The following CNTN6 variants were observed in gnomAD, a reference collection of about 807,000 sequenced individuals.
CNTN6 encodes the protein contactin-6.
Under a neutral mutation model 122.8 loss-of-function variants are expected in CNTN6, and 137 were observed. The observed-to-expected ratio is 1.12, with a 90% confidence interval of 0.97 to 1.29. The LOEUF is 1.29. Among genes scored for constraint, CNTN6 ranks in the 50% most tolerant of loss-of-function variants. The probability of loss-of-function intolerance (pLI) is 0.00; values close to 1 mark genes in which losing one functional copy is unlikely to be tolerated. For synonymous variants in CNTN6, 570 were observed against 426.0 expected (o/e 1.34, Z -4.16); for missense variants, 1,634 against 1,223.4 (o/e 1.34, Z -5.01).
At chr3:1,288,707 G>A (rs1320023706) in intron 5 of CNTN6, among the ~76,000 whole-genome samples, 1 of 152,136 alleles carries the variant, frequency 6.6e-6, no homozygotes, top group East Asian at 1.9e-4. Context: ...TTTCACATGA[G>A]ATATTTTTCC....
intron 2 of CNTN6, among the ~76,000 whole-genome samples, chr3:1,149,129 A>G (rs2092784680): frequency 6.6e-6 from 1 of 152,198 alleles, no homozygotes; most frequent in Non-Finnish European, 1.5e-5. Flanking sequence ...AGAAATAATA[A>G]AGGCAATAAT....
chr3:1,096,270 A>T (rs115173011), intron 1 of CNTN6, among the ~76,000 whole-genome samples: 2,816 of 150,716 alleles, frequency 0.019, 91 homozygotes, highest in African/African-American at 0.065. Context: ...TGTGTGTGTG[A>T]GTGTGTGTAT....
chr3:1,297,942 C>T lies in CNTN6; in HGVS notation c.712C>T (p.Gln238Ter). The T allele has an allele frequency of 2.5e-6, 4 of 1,612,906 alleles. No homozygotes were observed. The highest frequency in any genetic ancestry group is 3.4e-6 in the Non-Finnish European group (4 of 1,179,626). Reference protein sequence around the residue: ...KIEVRFPETIQAAKDSSVKLE... With the variant: ...KIEVRFPETI Reference sequence around the variant, plus strand: ...TGAAGTGCGTTTTCCTGAAACTATACAAGCTGCAAAGGATTCATCTGTAAA... The same window carrying T: ...TGAAGTGCGTTTTCCTGAAACTATATAAGCTGCAAAGGATTCATCTGTAAA... Residue 238 changes from glutamine to a stop codon, truncating the protein, a stop_gained, in exon 7 of 23, where the codon CAA (glutamine) becomes TAA (stop). Transcript: ENST00000446702. LOFTEE classifies it high-confidence loss of function.
intron 11 of CNTN6, among the ~76,000 whole-genome samples, chr3:1,333,437 C>A (rs1246661226): frequency 6.6e-6 from 1 of 151,900 alleles, no homozygotes; most frequent in Non-Finnish European, 1.5e-5. Flanking sequence ...CCATCTCATA[C>A]CTCTGTTAAA....
intron 6 of CNTN6, 130 bp from the exon 7 acceptor site, chr3:1,297,759 T>C (rs1268299423): frequency 5.6e-6 from 4 of 713,016 alleles, no homozygotes; most frequent in Non-Finnish European, 9.6e-6. Flanking sequence ...AATCTATATG[T>C]ATCCAATTCT....
chr3:1,298,810 C>A lies in CNTN6; in HGVS notation c.761+819C>A, dbSNP rs570792369. ...TTCTAAAAAGCTCCCATATATTAGT[C>A]ATGCTTCTTGTAAACAGAACATACT... On this transcript the variant is annotated intron_variant, in intron 7 of 22. Coordinates refer to ENST00000446702, the MANE Select transcript of CNTN6 (RefSeq NM_001289080.2). Among the ~76,000 whole-genome samples the A allele has an allele frequency of 2.6e-5, 4 of 152,208 alleles. No individual in the cohort carries two copies. The East Asian group carries it at 7.7e-4, about 29-fold the overall frequency.
intron 11 of CNTN6, among the ~76,000 whole-genome samples, chr3:1,342,087 C>CA (rs11397128): frequency 0.027 from 4,077 of 151,388 alleles, 181 homozygotes; most frequent in African/African-American, 0.092. Flanking sequence ...GAAGAGTTGC[C>CA]AAAAAAAAGT....
intron 4 of CNTN6, among the ~76,000 whole-genome samples, chr3:1,234,532 G>C (rs1246387884): frequency 6.6e-6 from 1 of 151,938 alleles, no homozygotes; most frequent in Non-Finnish European, 1.5e-5. Context: ...ATTTATATCA[G>C]AAAAAGAAAT....
At chr3:1,299,953 A>G (rs932436864) in intron 7 of CNTN6, among the ~76,000 whole-genome samples, 1 of 152,142 alleles carries the variant, frequency 6.6e-6, no homozygotes, top group Non-Finnish European at 1.5e-5. Flanking sequence ...TCACTGAATT[A>G]TTCTAAAACC....
At chr3:1,348,155 G>C (rs1470663579) in intron 11 of CNTN6, among the ~76,000 whole-genome samples, 1 of 21,980 alleles carries the variant, frequency 4.5e-5, no homozygotes, top group Non-Finnish European at 7.9e-5. Context: ...CTATGCTATA[G>C]ACAAAAAAAA....
chr3:1,108,144 T>A (rs1574870047), intron 1 of CNTN6, among the ~76,000 whole-genome samples: 1 of 151,986 alleles, frequency 6.6e-6, no homozygotes, highest in East Asian at 1.9e-4. Flanking sequence ...AGAATAAATG[T>A]TTTTTAACCT....
intron 5 of CNTN6, among the ~76,000 whole-genome samples, chr3:1,289,933 C>A (rs1306826445): frequency 1.3e-5 from 2 of 152,146 alleles, no homozygotes; most frequent in Non-Finnish European, 2.9e-5. Context: ...CTCGGCCTCC[C>A]AAAGTGCTGG....
At chr3:1,313,489 T>G (rs909318449) in intron 7 of CNTN6, among the ~76,000 whole-genome samples, 1 of 152,174 alleles carries the variant, frequency 6.6e-6, no homozygotes, top group Non-Finnish European at 1.5e-5. Flanking sequence ...TTGCTCTTCC[T>G]GTGTACTCAT....
chr3:1,105,440 C>T (rs1186964306), intron 1 of CNTN6, among the ~76,000 whole-genome samples: 1 of 152,068 alleles, frequency 6.6e-6, no homozygotes, highest in Non-Finnish European at 1.5e-5. Context: ...CACTTTTCTT[C>T]AAGTTTATAA....
intron 1 of CNTN6, among the ~76,000 whole-genome samples, chr3:1,146,423 C>T (rs1055258050): frequency 3.3e-5 from 5 of 152,030 alleles, no homozygotes; most frequent in African/African-American, 1.2e-4. Flanking sequence ...ATTGTAATCC[C>T]TACAGCTCTG....
intron 11 of CNTN6, 29 bp from the exon 12 acceptor site, chr3:1,352,295 C>A: frequency 6.8e-7 from 1 of 1,477,704 alleles, no homozygotes; most frequent in Middle Eastern, 1.8e-4. Flanking sequence ...AAGAGCCTTA[C>A]TTCTATTAAT....
chr3:1,367,771 C>A (rs1708448688), intron 12 of CNTN6, among the ~76,000 whole-genome samples: 1 of 152,070 alleles, frequency 6.6e-6, no homozygotes, highest in Admixed American at 6.5e-5. Flanking sequence ...ATGGGCACAT[C>A]AGAACCTGGG....
At chr3:1,304,570 G>T (rs975818649) in intron 7 of CNTN6, among the ~76,000 whole-genome samples, 1 of 152,064 alleles carries the variant, frequency 6.6e-6, no homozygotes, top group African/African-American at 2.4e-5. Context: ...CAAGAAAAAG[G>T]CTTGAAAGAA....
intron 20 of CNTN6, among the ~76,000 whole-genome samples, chr3:1,395,725 A>C (rs766107291): frequency 1.3e-5 from 2 of 152,120 alleles, no homozygotes; most frequent in Non-Finnish European, 1.5e-5. Flanking sequence ...TTAGGATGTG[A>C]TCATGTTTTG....
Sources: allele counts gnomAD v4.1 joint callset (sites outside exome capture counted in the v4.1 genomes callset), GRCh38; gene constraint gnomAD v4.1.1; transcripts MANE v1.5; gene names NCBI Gene and HGNC (gene_info 2026-07-23, HGNC 2026-07-21).